The following NAT16 variants were observed in gnomAD, a reference collection of about 807,000 sequenced individuals.
The protein encoded by NAT16 is probable N-acetyltransferase 16.
In NAT16, 16 loss-of-function variants were observed where a neutral mutation model predicts 15.9. The observed-to-expected ratio is 1.01, with a 90% CI of 0.68 to 1.53. The LOEUF (loss-of-function observed/expected upper bound fraction) is 1.53, where lower values mean the gene tolerates loss of function less well. NAT16 is among the 40% of genes most tolerant of loss of function. The pLI, the probability that NAT16 is intolerant of heterozygous loss-of-function variation, is 0.00. For synonymous variants in NAT16, 260 were observed against 241.9 expected, an observed-to-expected ratio of 1.07 and a Z score of -0.69; for missense variants, 572 against 508.4, an observed-to-expected ratio of 1.13 and a Z score of -1.20.
At position 101,172,405 on chromosome 7, in the gene NAT16, T is replaced by G; in HGVS notation, c.784A>C (p.Lys262Gln). ...CTGTCCACGCGCCACTCCAGGCCCT[T>G]GGCCGCCAGCAGGCGCAGGTTGCTT... ...SESNLRLLAAKGLEWRVDSRA... is the reference protein window; with the variant it reads ...SESNLRLLAAQGLEWRVDSRA... Residue 262 changes from lysine to glutamine, a missense_variant, in exon 4 of 4, where the codon AAG becomes CAG. Transcript: ENST00000300303. This position sits in a 1 kb window ranked among gnomAD's most constrained non-coding sequence, Gnocchi z 4.2. The G allele has an allele frequency of 6.3e-7, 1 of 1,577,006 alleles. No homozygotes were observed. The highest frequency in any genetic ancestry group is 8.6e-7 in the Non-Finnish European group (1 of 1,164,230).
chr7:101,173,579 C>G, intron 2 of NAT16, 59 bp from the exon 3 acceptor site: 2 of 1,410,808 alleles, frequency 1.4e-6, no homozygotes, highest in Non-Finnish European at 1.9e-6. Flanking sequence ...CCAGGGCTGT[C>G]GGTTCACTGG....
Position 101,174,642 on chromosome 7 carries a change from C to G in NAT16, c.166G>C (p.Val56Leu). The change falls in exon 2 of 4, where the codon GTG (valine) becomes CTG (leucine). Residue 56 changes from valine to leucine, a missense_variant. By Grantham distance (32) the Val-to-Leu change is conservative. Transcript: ENST00000300303. ...TCAAACTCCCGTTCCGTGGCCACCA[C>G]GAAGTCCAATGGCTCGGCCTCAGCC... The part of the protein sequence containing the change: ...PEAEAEPLDF[V>L]VATEREFEEV... 1 of 1,614,196 alleles carries G rather than the reference C, an allele frequency of 6.2e-7. No individual in the cohort carries two copies. The highest frequency in any genetic ancestry group is 8.5e-7 in the Non-Finnish European group (1 of 1,180,038).
chr7:101,173,480 G>C lies in NAT16; in HGVS notation c.353C>G (p.Thr118Arg). ...ESVNVIDAGE[T>R]VLVEGLRVAP... Reference sequence around the variant, plus strand: ...CACGCGCAGCCCCTCCACCAGCACCGTCTCCCCGGCGTCGATCACGTTCAC... The same window carrying C: ...CACGCGCAGCCCCTCCACCAGCACCCTCTCCCCGGCGTCGATCACGTTCAC... Residue 118 changes from threonine (T) to arginine (R), a missense_variant, in exon 3 of 4, where the codon ACG (threonine) becomes AGG (arginine). Thr to Arg is a moderately conservative substitution (Grantham distance 71). Coordinates refer to ENST00000300303, the MANE Select transcript of NAT16 (RefSeq NM_198571.3). 2 of 1,609,244 alleles carry C rather than the reference G, an allele frequency of 1.2e-6. No homozygotes were observed. The highest frequency in any genetic ancestry group is 1.7e-6 in the Non-Finnish European group (2 of 1,177,544).
Position 101,170,705 on chromosome 7 carries a change from C to G in NAT16, c.*1374G>C, listed in dbSNP as rs888750247. Reference sequence around the variant, plus strand: ...TCCACCTCTGCCCACATCTCGGATCCCATCCCAGCGAACCCCAAACTCACT... The same window carrying G: ...TCCACCTCTGCCCACATCTCGGATCGCATCCCAGCGAACCCCAAACTCACT... On this transcript the variant is annotated 3_prime_UTR_variant, in exon 4 of 4. Transcript: ENST00000300303. 12 of 152,446 alleles carry G rather than the reference C, an allele frequency of 7.9e-5. No individual in the cohort carries two copies. The highest frequency in any genetic ancestry group is 2.9e-4 in the African/African-American group (12 of 41,452). The allele number at this position is 152,446 out of a possible 1,614,324, so 9.4% of individuals were successfully genotyped here.
In NAT16 at chr7:101,172,229, C is replaced by A; in HGVS notation, c.960G>T (p.Gln320His). ...CGTTGAGGCCAACGAGGCGCGGGGC[C>A]TGGCGCTGCAGGTGCCACAGCAGCT... is the stretch of plus-strand genomic sequence containing the variant. Reference protein sequence around the residue: ...QSQLLWHLQRQAPRLVGLNVM... With the variant: ...QSQLLWHLQRHAPRLVGLNVM... Residue 320 changes from glutamine to histidine, a missense_variant, in exon 4 of 4, where the codon CAG (glutamine) becomes CAT (histidine). By Grantham distance (24) the Gln-to-His change is conservative. Transcript: ENST00000300303. The surrounding 1 kb of genome is among the most constrained non-coding windows in gnomAD (Gnocchi z 4.2). The A allele has an allele frequency of 3.1e-6, 5 of 1,613,606 alleles. No homozygotes were observed. The highest frequency in any genetic ancestry group is 4.2e-6 in the Non-Finnish European group (5 of 1,179,890).
chr7:101,174,570 G>C lies in NAT16; in HGVS notation c.238C>G (p.Leu80Val). 6.2e-7 allele frequency: 1 copy of C among 1,613,852 alleles called. No individual in the cohort carries two copies. The highest frequency in any genetic ancestry group is 8.5e-7 in the Non-Finnish European group (1 of 1,179,930). ...SGGIYGGLDY[L>V]PSRYHSWLRD... ...AGCCAGCTGTGGTAGCGGCTAGGAA[G>C]GTAGTCCAGGCCGCCGTAGATGCCC... Residue 80 changes from leucine to valine, a missense_variant, in exon 2 of 4, where the codon CTT becomes GTT. Transcript: ENST00000300303.
Position 101,173,360 on chromosome 7 carries a change from C to T in NAT16, c.473G>A (p.Arg158Gln), listed in dbSNP as rs762062727. ...GCCCAGCTGGTCGTCCCGGGTGAGC[C>T]GTGCCACCTTGACCCCCGGGTGCTG... is the stretch of plus-strand genomic sequence containing the variant. ...KRQHPGVKVARLTRDDQLGPR... is the reference protein window; with the variant it reads ...KRQHPGVKVAQLTRDDQLGPR... Residue 158 changes from arginine to glutamine, a missense_variant, in exon 3 of 4, where the codon CGG (arginine) becomes CAG (glutamine). Transcript: ENST00000300303. The T allele has an allele frequency of 9.3e-6, 15 of 1,613,964 alleles. No individual in the cohort carries two copies. In the African/African-American group the frequency reaches 1.7e-4, roughly 19 times the overall value.
chr7:101,178,688 C>T (rs1455886157), intron 1 of NAT16, among the ~76,000 whole-genome samples: 7 of 114,756 alleles, frequency 6.1e-5, no homozygotes, highest in Non-Finnish European at 1.2e-4. Flanking sequence ...GCCTGACCAA[C>T]ATGGAGAAAC....
chr7:101,172,174 G>A lies in NAT16; in HGVS notation c.1015C>T (p.Leu339=), dbSNP rs1472921115. Residue 339 remains leucine (L), a synonymous_variant, in exon 4 of 4, where the codon CTG becomes TTG. Transcript: ENST00000300303. This position sits in a 1 kb window ranked among gnomAD's most constrained non-coding sequence, Gnocchi z 4.2. ...VMCQLFLEPQ[L]WSQLADFCQV... ...CAGAAGTCAGCCAGCTGTGACCACA[G>A]CTGGGGCTCCAGGAAGAGCTGGCAC... The A allele has an allele frequency of 1.2e-6, 2 of 1,613,920 alleles. No homozygotes were observed. The highest frequency in any genetic ancestry group is 1.7e-6 in the Non-Finnish European group (2 of 1,179,976).
intron 1 of NAT16, among the ~76,000 whole-genome samples, chr7:101,176,869 G>A (rs1338211069): frequency 6.6e-6 from 1 of 152,082 alleles, no homozygotes. Context: ...TTCTGTGGGG[G>A]TGATATTGAC....
chr7:101,179,068 G>GCACCCCACTCCCACCA (rs1486616048), intron 1 of NAT16: 27 of 40,826 alleles, frequency 6.6e-4, no homozygotes, highest in African/African-American at 2.6e-3. Flanking sequence ...CCACCCACCC[G>GCACCCCACTCCCACCA]CACCCCACTC....
rs1215600035 is a variant in NAT16, at chr7:101,172,016, G to C, written c.*63C>G. ...CAGCGTCGGAAATGGCAGGAAAGAGGCTGGCTGGGGAAACTGCGGAAGGGG... is the reference window on the plus strand; with the variant it reads ...CAGCGTCGGAAATGGCAGGAAAGAGCCTGGCTGGGGAAACTGCGGAAGGGG... On this transcript the variant is annotated 3_prime_UTR_variant, in exon 4 of 4. Transcript: ENST00000300303. This position sits in a 1 kb window ranked among gnomAD's most constrained non-coding sequence, Gnocchi z 4.2. 11 of 1,210,000 alleles carry C rather than the reference G, an allele frequency of 9.1e-6. No homozygotes were observed. The highest frequency in any genetic ancestry group is 1.3e-5 in the Non-Finnish European group (11 of 844,316). The allele number at this position is 1,210,000 out of a possible 1,614,324, so 75.0% of individuals were successfully genotyped here.
At chr7:101,174,214 C>G (rs908290058) in intron 2 of NAT16, 2 of 516,336 alleles carry the variant, frequency 3.9e-6, no homozygotes, top group Non-Finnish European at 6.8e-6. Flanking sequence ...TGCTCCCCAC[C>G]TCCTTTGCTT....
chr7:101,176,539 A>C, intron 1 of NAT16, among the ~76,000 whole-genome samples: 1 of 149,038 alleles, frequency 6.7e-6, no homozygotes, highest in African/African-American at 2.5e-5. Context: ...ATGTCAAACC[A>C]TTCTTTCTAA....
At chr7:101,178,070 C>T (rs931185410) in intron 1 of NAT16, among the ~76,000 whole-genome samples, 17 of 152,314 alleles carry the variant, frequency 1.1e-4, no homozygotes, top group Admixed American at 9.8e-4. Context: ...TAGACTGGAA[C>T]CCACCTGACT....
chr7:101,175,993 T>C (rs1797456976), intron 1 of NAT16, among the ~76,000 whole-genome samples: 1 of 150,912 alleles, frequency 6.6e-6, no homozygotes, highest in Admixed American at 6.6e-5. Context: ...AAGGACAACA[T>C]GAGAAAGAAA....
At chr7:101,178,074 C>A (rs1019466760) in intron 1 of NAT16, among the ~76,000 whole-genome samples, 1 of 152,240 alleles carries the variant, frequency 6.6e-6, no homozygotes, top group Non-Finnish European at 1.5e-5. Context: ...CTGGAACCCA[C>A]CTGACTCATT....
At chr7:101,176,290 T>A (rs1584223824) in intron 1 of NAT16, among the ~76,000 whole-genome samples, 1 of 151,738 alleles carries the variant, frequency 6.6e-6, no homozygotes, top group Admixed American at 6.6e-5. Context: ...AGGTCAGGAG[T>A]TCGAGACCAG....
In NAT16 at chr7:101,173,512, C is replaced by T. The variant is rs760126152; in HGVS notation, c.321G>A (p.Leu107=). The part of the protein sequence containing the change: ...LAKRNGGVIA[L]ESVNVIDAGE... ...CGGCGTCGATCACGTTCACCGACTC[C>T]AGCGCGATCTGCGGACCGAGGCCGT... The change falls in exon 3 of 4, where the codon CTG becomes CTA. Residue 107 remains leucine (L), a synonymous_variant. Coordinates refer to ENST00000300303, the MANE Select transcript of NAT16 (RefSeq NM_198571.3). The T allele has an allele frequency of 1.3e-6, 2 of 1,595,256 alleles. No individual in the cohort carries two copies. Among genetic ancestry groups the T allele is most frequent in the East Asian group, 2.3e-5 (1 of 44,332 alleles).
Sources: allele counts gnomAD v4.1 joint callset (sites outside exome capture counted in the v4.1 genomes callset), GRCh38; gene constraint gnomAD v4.1.1; non-coding constraint Gnocchi (gnomAD v3.1); transcripts MANE v1.5; gene names NCBI Gene and HGNC (gene_info 2026-07-23, HGNC 2026-07-21).